Variants in ANK1 observed in about 807,000 individuals in gnomAD.
ANK1 encodes the protein ankyrin 1, also known as ankyrin-1.
ANK1 carries 51 observed loss-of-function variants against 210.4 expected under a neutral mutation model. The observed-to-expected ratio is 0.24, with a 90% CI of 0.19 to 0.31. The LOEUF (loss-of-function observed/expected upper bound fraction) is 0.31. Among genes scored for constraint, ANK1 ranks in the 10% least tolerant of loss-of-function variants. The pLI is 1.00. For synonymous variants in ANK1, 967 were observed against 1,025.9 expected, an observed-to-expected ratio of 0.94 and a Z score of 1.10; for missense variants, 2,051 against 2,504.4, an observed-to-expected ratio of 0.82 and a Z score of 3.86.
At chr8:41,667,596 C>T (rs779129835) in intron 39 of ANK1, among the ~76,000 whole-genome samples, 11 of 151,888 alleles carry the variant, frequency 7.2e-5, no homozygotes, top group Admixed American at 4.6e-4. Flanking sequence ...GGGATTGAAT[C>T]GAACAAAATA....
At chr8:41,675,245 C>A (rs57427874) in intron 37 of ANK1, among the ~76,000 whole-genome samples, 1 of 152,086 alleles carries the variant, frequency 6.6e-6, no homozygotes, top group Non-Finnish European at 1.5e-5. Flanking sequence ...TACAGGTATG[C>A]GCCATGACGC....
chr8:41,661,990 G>A, intron 40 of ANK1, 49 bp from the exon 41 acceptor site: 3 of 1,599,948 alleles, frequency 1.9e-6, no homozygotes, highest in Non-Finnish European at 2.6e-6. Context: ...CGGGCTCGGG[G>A]GCTCATGTCT....
rs368811220 is a variant in ANK1 at position 41,739,765 on chromosome 8, G to T, written c.130-5696C>A. On this transcript the variant is annotated intron_variant, in intron 2 of 42. Transcript: ENST00000289734. ...CACATTCTTACAAAGGTAGACTGCGGTTATCTTGAACTTTGAGTTGGAGCT... is the reference window on the plus strand; with the variant it reads ...CACATTCTTACAAAGGTAGACTGCGTTTATCTTGAACTTTGAGTTGGAGCT... 1.2e-3 allele frequency among the ~76,000 whole-genome samples: 177 copies of T among 152,182 alleles called. 6 individuals carry two copies. In the South Asian group the frequency reaches 0.034, roughly 29 times the overall value.
At position 41,684,735 on chromosome 8, in the gene ANK1, C is replaced by T. The variant is rs202167014; in HGVS notation, c.4391-45G>A. 1.1e-5 allele frequency: 18 copies of T among 1,598,544 alleles called. No individual in the cohort carries two copies. In the Admixed American group the frequency reaches 1.3e-4, roughly 12 times the overall value. On this transcript the variant is annotated intron_variant, in intron 36 of 42. Transcript: ENST00000289734. Reference sequence around the variant, plus strand: ...ATGCACGTTACTCCAGGCCGGTGAGCGAGGATCACATGGGCTCAGAAAATG... The same window carrying T: ...ATGCACGTTACTCCAGGCCGGTGAGTGAGGATCACATGGGCTCAGAAAATG...
chr8:41,723,809 A>C (rs1222663916), intron 7 of ANK1, among the ~76,000 whole-genome samples, 176 bp from the exon 8 acceptor site: 1 of 133,230 alleles, frequency 7.5e-6, no homozygotes, highest in Non-Finnish European at 1.6e-5. Context: ...TTTTTTTTTG[A>C]GACGGAGTCT....
At chr8:41,768,462 A>G (rs1484376024) in intron 1 of ANK1, among the ~76,000 whole-genome samples, 1 of 152,240 alleles carries the variant, frequency 6.6e-6, no homozygotes, top group Non-Finnish European at 1.5e-5. Context: ...ATACTGCATT[A>G]TCTCATTTAA....
intron 1 of ANK1, among the ~76,000 whole-genome samples, chr8:41,812,956 G>A (rs137893055): frequency 9.4e-4 from 143 of 152,252 alleles, no homozygotes; most frequent in African/African-American, 2.9e-3. Context: ...AACAGGCCCC[G>A]GACAGGCTGA....
chr8:41,841,668 T>C (rs1278271710), intron 1 of ANK1, among the ~76,000 whole-genome samples: 1 of 152,100 alleles, frequency 6.6e-6, no homozygotes, highest in Non-Finnish European at 1.5e-5. Flanking sequence ...TCCAAACTCA[T>C]CAAATGTATA....
chr8:41,890,607 G>A (rs1438761319), intron 1 of ANK1, among the ~76,000 whole-genome samples: 1 of 151,892 alleles, frequency 6.6e-6, no homozygotes, highest in Non-Finnish European at 1.5e-5. Flanking sequence ...TACTCTGGAG[G>A]CTGAGGCAGG....
chr8:41,837,678 C>A (rs997437114), intron 1 of ANK1, among the ~76,000 whole-genome samples: 2 of 151,980 alleles, frequency 1.3e-5, no homozygotes, highest in African/African-American at 4.8e-5. Flanking sequence ...TTGAGACCAG[C>A]GTGGACAACA....
chr8:41,665,705 G>A, intron 39 of ANK1: 1 of 183,956 alleles, frequency 5.4e-6, no homozygotes. Flanking sequence ...ATGGGCTCAG[G>A]GACAGTCAAG....
Position 41,663,658 on chromosome 8 carries a change from C to A in ANK1, c.5478+1G>T, listed in dbSNP as rs770917173. On this transcript the variant is annotated splice_donor_variant, in intron 40 of 42. Transcript: ENST00000289734. LOFTEE classifies it high-confidence loss of function. ...CACAGAGGGGAACACTCTGCACCCA[C>A]CTTCTTGGTGACAATGTTGCCCTGC... The A allele has an allele frequency of 3.7e-6, 6 of 1,613,762 alleles. No individual in the cohort carries two copies. Among genetic ancestry groups the A allele is most frequent in the Non-Finnish European group, 5.1e-6 (6 of 1,179,648 alleles).
At chr8:41,829,222 G>A (rs1806115550) in intron 1 of ANK1, 1 of 152,124 alleles carries the variant, frequency 6.6e-6, no homozygotes, top group South Asian at 2.1e-4. Context: ...AGGCTTCAAA[G>A]GAAACCTTCA....
At chr8:41,758,238 A>T in intron 1 of ANK1, 101 bp from the exon 2 acceptor site, 1 of 1,055,358 alleles carries the variant, frequency 9.5e-7, no homozygotes, top group Non-Finnish European at 1.5e-6. Context: ...GCATCCTCTG[A>T]TGTGGCACCC....
chr8:41,870,274 TA>T (rs921652174), intron 1 of ANK1, among the ~76,000 whole-genome samples: 35 of 145,746 alleles, frequency 2.4e-4, no homozygotes, highest in Admixed American at 3.4e-4. Context: ...AGTTTTTGCT[TA>T]AAAAAAAAAA....
chr8:41,668,876 A>G (rs1811388502), intron 38 of ANK1, among the ~76,000 whole-genome samples: 1 of 152,078 alleles, frequency 6.6e-6, no homozygotes, highest in Non-Finnish European at 1.5e-5. Context: ...TGGTCCAAAC[A>G]CTGGGGCCTC....
chr8:41,890,895 G>A (rs1429345845), intron 1 of ANK1, among the ~76,000 whole-genome samples: 1 of 152,138 alleles, frequency 6.6e-6, no homozygotes, highest in Non-Finnish European at 1.5e-5. Flanking sequence ...CTAGTTAAAT[G>A]TAGCTTTTCA....
chr8:41,828,941 G>C (rs1026842971), intron 1 of ANK1: 1 of 152,276 alleles, frequency 6.6e-6, no homozygotes, highest in Non-Finnish European at 1.5e-5. Flanking sequence ...GGGCCCATTC[G>C]GATCTGCCGC....
chr8:41,865,433 A>C (rs1814215011), intron 1 of ANK1, among the ~76,000 whole-genome samples: 1 of 151,902 alleles, frequency 6.6e-6, no homozygotes, highest in African/African-American at 2.4e-5. Flanking sequence ...GGCTCAGTAG[A>C]TACTGTGTGG....
Sources: gnomAD v4.1 joint callset for allele counts (sites outside exome capture counted in the v4.1 genomes callset) on GRCh38, gnomAD v4.1.1 for gene constraint, MANE v1.5 for transcripts, NCBI Gene and HGNC (gene_info 2026-07-23, HGNC 2026-07-21) for gene names.